Variants in CEACAM3 observed in about 807,000 individuals in gnomAD.
CEACAM3 encodes the protein CEA cell adhesion molecule 3.
CEACAM3 carries 32 observed loss-of-function variants against 30.1 expected under a neutral mutation model. That is an observed-to-expected ratio of 1.06 (90% confidence interval 0.80 to 1.43). CEACAM3 has a LOEUF of 1.43. Among genes scored for constraint, CEACAM3 ranks in the 40% most tolerant of loss-of-function variants. The pLI is 0.00. For synonymous variants in CEACAM3, 134 were observed against 127.2 expected, an observed-to-expected ratio of 1.05 and a Z score of -0.36; for missense variants, 290 against 316.3, an observed-to-expected ratio of 0.92 and a Z score of 0.63.
intron 2 of CEACAM3, among the ~76,000 whole-genome samples, chr19:41,804,454 GC>G (rs2073182841): frequency 6.6e-6 from 1 of 152,154 alleles, no homozygotes; most frequent in African/African-American, 2.4e-5. Flanking sequence ...GCCTGTTTAG[GC>G]CCCTTCCTAT....
chr19:41,805,892 G>A (rs1423330091), intron 2 of CEACAM3, among the ~76,000 whole-genome samples: 1 of 152,186 alleles, frequency 6.6e-6, no homozygotes, highest in Non-Finnish European at 1.5e-5. Flanking sequence ...TGCAGGAGGA[G>A]AAAACACATT....
intron 2 of CEACAM3, among the ~76,000 whole-genome samples, chr19:41,803,668 G>A (rs1186462407): frequency 3.6e-5 from 4 of 112,442 alleles, no homozygotes; most frequent in East Asian, 2.6e-4. Flanking sequence ...GAGTTTCACC[G>A]TGTTATCCAG....
intron 2 of CEACAM3, among the ~76,000 whole-genome samples, chr19:41,805,377 C>T (rs957880669): frequency 3.0e-4 from 45 of 150,996 alleles, no homozygotes; most frequent in African/African-American, 9.7e-4. Flanking sequence ...CTGCAACCTC[C>T]GCCTCCCAGG....
chr19:41,800,946 C>T (rs2073141585), intron 2 of CEACAM3, among the ~76,000 whole-genome samples: 1 of 152,078 alleles, frequency 6.6e-6, no homozygotes, highest in South Asian at 2.1e-4. Flanking sequence ...ACTCTCTCGT[C>T]TCCGCACATG....
chr19:41,797,821 G>A lies in CEACAM3; in HGVS notation c.297G>A (p.Glu99=), dbSNP rs1555825437. Residue 99 remains glutamate (E), a synonymous_variant, in exon 2 of 7, where the codon GAG becomes GAA. Coordinates refer to ENST00000357396, the MANE Select transcript of CEACAM3 (RefSeq NM_001815.5). The stretch of plus-strand genomic sequence containing the variant: ...CAGGGGCCGCATACAGCGGTCGAGA[G>A]ACAATATACACCAATGCATCCCTGC... The part of the protein sequence containing the change: ...ATPGAAYSGR[E]TIYTNASLLI... The A allele has an allele frequency of 3.7e-6, 6 of 1,612,956 alleles. No individual in the cohort carries two copies. The highest frequency in any genetic ancestry group is 5.1e-6 in the Non-Finnish European group (6 of 1,180,028).
intron 2 of CEACAM3, chr19:41,807,523 A>T: frequency 7.3e-7 from 1 of 1,378,700 alleles, no homozygotes; most frequent in Non-Finnish European, 9.5e-7. Flanking sequence ...TCCCAAGCAA[A>T]CCTGGGCAGA....
Position 41,810,362 on chromosome 19 carries a change from T to C in CEACAM3, c.627+8T>C, listed in dbSNP as rs2073239360. On this transcript the variant is annotated splice_region_variant and intron_variant, in intron 5 of 6. Coordinates refer to ENST00000357396, the MANE Select transcript of CEACAM3 (RefSeq NM_001815.5). The stretch of plus-strand genomic sequence containing the variant: ...CACAGCTCTGCCTTCTCGGTAAGCC[T>C]GTCCCCTTCCAGCCCCTTTCTACTG... The C allele has an allele frequency of 1.2e-6, 2 of 1,600,076 alleles. No homozygotes were observed. The highest frequency in any genetic ancestry group is 1.7e-5 in the Admixed American group (1 of 57,430).
At chr19:41,809,145 G>T (rs1365234226) in intron 3 of CEACAM3, 14 of 256,820 alleles carry the variant, frequency 5.5e-5, no homozygotes, top group Non-Finnish European at 9.1e-5. Flanking sequence ...CCCAATTAAG[G>T]CCCCACCCCT....
chr19:41,800,390 C>T (rs1555825861), intron 2 of CEACAM3, among the ~76,000 whole-genome samples: 1 of 152,130 alleles, frequency 6.6e-6, no homozygotes, highest in East Asian at 1.9e-4. Context: ...GGAAAACACC[C>T]GCTACTTGGC....
At chr19:41,799,761 G>C (rs1331361779) in intron 2 of CEACAM3, among the ~76,000 whole-genome samples, 2 of 152,158 alleles carry the variant, frequency 1.3e-5, no homozygotes, top group South Asian at 2.1e-4. Flanking sequence ...TGACGAAGGA[G>C]GGAAGGAATG....
At position 41,811,525 on chromosome 19, in the gene CEACAM3, G is replaced by A. The variant is rs2073250630; in HGVS notation, c.*288G>A. On this transcript the variant is annotated 3_prime_UTR_variant, in exon 7 of 7. Transcript: ENST00000357396. Reference sequence around the variant, plus strand: ...TGGCCCACCTGGGGTCACTTGGAAAGGATCTGAATAAAGGGGACCCTTCCT... The same window carrying A: ...TGGCCCACCTGGGGTCACTTGGAAAAGATCTGAATAAAGGGGACCCTTCCT... The A allele has an allele frequency of 2.3e-6, 1 of 431,666 alleles. No individual in the cohort carries two copies. The highest frequency in any genetic ancestry group is 3.8e-5 in the South Asian group (1 of 26,146). The allele number at this position is 431,666 out of a possible 1,614,324, so 26.7% of individuals were successfully genotyped here. A position where few individuals can be genotyped will look rare whatever the true frequency, so the allele number is the denominator to read the frequency against.
Position 41,809,956 on chromosome 19 carries a change from C to G in CEACAM3, c.543-9C>G. ...TGGCACCCTCCCAAATGACCCTGAC[C>G]TTTCCTAGAACCAGCATCCAGCGTG... is the stretch of plus-strand genomic sequence containing the variant. On this transcript the variant is annotated splice_polypyrimidine_tract_variant and intron_variant, in intron 3 of 6. Transcript: ENST00000357396. The G allele has an allele frequency of 6.2e-7, 1 of 1,613,842 alleles. No homozygotes were observed. Among genetic ancestry groups the G allele is most frequent in the African/African-American group, 1.3e-5 (1 of 74,998 alleles).
chr19:41,811,283 GC>G lies in CEACAM3; in HGVS notation c.*51del. On this transcript the variant is annotated 3_prime_UTR_variant, in exon 7 of 7. Transcript: ENST00000357396. The stretch of plus-strand genomic sequence containing the variant: ...TGTGTGTTGATGGAGAGTCCCCAAG[GC>G]CCCCAGCCCTGGGGATGGGGAAGGA... The G allele has an allele frequency of 6.5e-7, 1 of 1,534,886 alleles. No individual in the cohort carries two copies. The highest frequency in any genetic ancestry group is 9.0e-7 in the Non-Finnish European group (1 of 1,110,162).
At chr19:41,806,923 G>A (rs1309994302) in intron 2 of CEACAM3, among the ~76,000 whole-genome samples, 3 of 152,100 alleles carry the variant, frequency 2.0e-5, no homozygotes, top group Non-Finnish European at 4.4e-5. Flanking sequence ...TCGTGACCTC[G>A]TGATACGCCC....
At position 41,796,881 on chromosome 19, in the gene CEACAM3, G is replaced by A. The variant is rs1030027554; in HGVS notation, c.64+140G>A. On this transcript the variant is annotated intron_variant, in intron 1 of 6. Coordinates refer to ENST00000357396, the MANE Select transcript of CEACAM3 (RefSeq NM_001815.5). Reference sequence around the variant, plus strand: ...GGGAGAGAACATCAGAGAGGGACACGGGTCACAACAAGACAATCACATTGA... The same window carrying A: ...GGGAGAGAACATCAGAGAGGGACACAGGTCACAACAAGACAATCACATTGA... 185 of 808,952 alleles carry A rather than the reference G, an allele frequency of 2.3e-4. 1 individual carries two copies. Among genetic ancestry groups the A allele is most frequent in the Non-Finnish European group, 3.9e-5 (20 of 517,382 alleles). The allele number at this position is 808,952 out of a possible 1,614,324, so 50.1% of individuals were successfully genotyped here.
intron 6 of CEACAM3, 59 bp downstream of exon 6, chr19:41,810,956 C>T (rs2073245426): frequency 1.3e-6 from 2 of 1,488,840 alleles, no homozygotes; most frequent in Admixed American, 1.9e-5. Flanking sequence ...AGGATCTTCC[C>T]CTACTGGCAT....
At chr19:41,799,983 G>C (rs1204653904) in intron 2 of CEACAM3, among the ~76,000 whole-genome samples, 2 of 152,076 alleles carry the variant, frequency 1.3e-5, no homozygotes, top group African/African-American at 2.4e-5. Flanking sequence ...CCTGGTCCTG[G>C]TTTGTGGGCG....
rs2073153493 is a variant in CEACAM3 at position 41,802,052 on chromosome 19, C to T, written c.424+4104C>T. 2.6e-5 allele frequency among the ~76,000 whole-genome samples: 4 copies of T among 152,216 alleles called. No individual in the cohort carries two copies. In the South Asian group the frequency reaches 8.3e-4, roughly 32 times the overall value. ...GCCCAGGAATGAGCAAGGACAGCCACCTTGAGGCTAGAAGCCAGATGAAGT... is the reference window on the plus strand; with the variant it reads ...GCCCAGGAATGAGCAAGGACAGCCATCTTGAGGCTAGAAGCCAGATGAAGT... On this transcript the variant is annotated intron_variant, in intron 2 of 6. Coordinates refer to ENST00000357396, the MANE Select transcript of CEACAM3 (RefSeq NM_001815.5).
intron 2 of CEACAM3, among the ~76,000 whole-genome samples, chr19:41,805,897 C>T (rs2073194347): frequency 4.6e-5 from 7 of 152,220 alleles, no homozygotes; most frequent in Admixed American, 4.6e-4. Context: ...GAGGAGAAAA[C>T]ACATTAAGGA....
Sources: allele counts gnomAD v4.1 joint callset (sites outside exome capture counted in the v4.1 genomes callset), GRCh38; gene constraint gnomAD v4.1.1; transcripts MANE v1.5; gene names NCBI Gene and HGNC (gene_info 2026-07-23, HGNC 2026-07-21).